TANC1: variants seen among roughly 807,000 people sequenced by gnomAD.
The protein encoded by TANC1 is tetratricopeptide repeat, ankyrin repeat and coiled-coil containing 1, also known as protein TANC1.
In TANC1, 77 loss-of-function variants were observed where a neutral mutation model predicts 149.7. The ratio of observed to expected loss-of-function variants is 0.51; its 90% CI spans 0.43 to 0.62. TANC1 has a LOEUF of 0.62. Ranked by LOEUF, TANC1 falls within the 20% of genes least tolerant of loss-of-function variation. The pLI, the probability that TANC1 is intolerant of heterozygous loss-of-function variation, is 0.00. For synonymous variants in TANC1, 854 were observed against 925.0 expected (o/e 0.92, Z 1.39); for missense variants, 1,985 against 2,321.8 (o/e 0.85, Z 2.98).
chr2:159,192,468 C>T (rs1193538836), intron 16 of TANC1, among the ~76,000 whole-genome samples: 1 of 151,928 alleles, frequency 6.6e-6, no homozygotes, highest in Non-Finnish European at 1.5e-5. Context: ...ACTTCATTAC[C>T]AGGAAAATGA....
chr2:159,194,011 T>G (rs2057666358), intron 16 of TANC1, among the ~76,000 whole-genome samples: 1 of 152,002 alleles, frequency 6.6e-6, no homozygotes. Flanking sequence ...GTCACGTGCC[T>G]GGGGCAGTAG....
intron 3 of TANC1, among the ~76,000 whole-genome samples, chr2:159,077,270 G>A (rs901088236): frequency 1.3e-5 from 2 of 152,110 alleles, no homozygotes; most frequent in Non-Finnish European, 2.9e-5. Context: ...TTAAAGCAAA[G>A]TTTTGCTTGG....
At chr2:159,158,477 A>G (rs2053666263) in intron 7 of TANC1, among the ~76,000 whole-genome samples, 1 of 152,210 alleles carries the variant, frequency 6.6e-6, no homozygotes, top group Admixed American at 6.5e-5. Context: ...GTGCAAAAAG[A>G]ACTTAGAATG....
intron 3 of TANC1, among the ~76,000 whole-genome samples, chr2:159,077,652 C>T (rs1033919073): frequency 6.6e-6 from 1 of 152,096 alleles, no homozygotes; most frequent in African/African-American, 2.4e-5. Context: ...TGGCACATAT[C>T]GATATATAGC....
intron 24 of TANC1, 127 bp downstream of exon 24, chr2:159,225,906 G>A (rs1376303193): frequency 1.2e-6 from 1 of 800,332 alleles, no homozygotes; most frequent in Non-Finnish European, 2.1e-6. Context: ...AAGTGGCTGG[G>A]TGGGGTGGCT....
chr2:159,095,088 G>T (rs531310738), intron 3 of TANC1, among the ~76,000 whole-genome samples: 1 of 151,890 alleles, frequency 6.6e-6, no homozygotes, highest in Non-Finnish European at 1.5e-5. Flanking sequence ...TGGGATTACC[G>T]GTGCCCACCA....
chr2:159,002,291 G>A (rs1192307186), intron 2 of TANC1, among the ~76,000 whole-genome samples: 1 of 152,136 alleles, frequency 6.6e-6, no homozygotes, highest in Non-Finnish European at 1.5e-5. Context: ...GGGGACCCAG[G>A]CTGCCCATTG....
At chr2:158,982,362 A>G (rs1053390483) in intron 1 of TANC1, among the ~76,000 whole-genome samples, 2 of 152,238 alleles carry the variant, frequency 1.3e-5, no homozygotes, top group East Asian at 1.9e-4. Flanking sequence ...AGGATATGGT[A>G]AAAAGGATGA....
intron 19 of TANC1, among the ~76,000 whole-genome samples, chr2:159,215,215 C>T (rs758473893): frequency 3.3e-5 from 5 of 152,164 alleles, no homozygotes; most frequent in African/African-American, 4.8e-5. Context: ...CCTCACTTTC[C>T]GGTGACGAGG....
At chr2:159,076,134 G>GT (rs1293634643) in intron 3 of TANC1, among the ~76,000 whole-genome samples, 4 of 152,106 alleles carry the variant, frequency 2.6e-5, no homozygotes, top group Non-Finnish European at 4.4e-5. Flanking sequence ...CCTTGTACTT[G>GT]TTTTTTTCTG....
chr2:158,969,442 G>A (rs575325414), intron 1 of TANC1, among the ~76,000 whole-genome samples: 3 of 152,338 alleles, frequency 2.0e-5, no homozygotes, highest in East Asian at 3.9e-4. Context: ...TAGACGTTGG[G>A]GGTTTTTCTT....
chr2:159,019,691 C>A (rs2038645022), intron 2 of TANC1, among the ~76,000 whole-genome samples: 1 of 77,144 alleles, frequency 1.3e-5, no homozygotes. Context: ...TTTTTTGAGG[C>A]AGAGTCTTGC....
intron 2 of TANC1, among the ~76,000 whole-genome samples, chr2:159,005,055 C>T (rs1322831010): frequency 6.6e-6 from 1 of 152,192 alleles, no homozygotes; most frequent in Non-Finnish European, 1.5e-5. Context: ...CCTTAAGGCG[C>T]AGATCACTCA....
At position 159,185,463 on chromosome 2, in the gene TANC1, G is replaced by A. The variant is rs570308815; in HGVS notation, c.2511-328G>A. Reference sequence around the variant, plus strand: ...CATGAGCTGTCACCTAGCACGGCCTGGCTTTTCTCTCCTTCCCACGTGAGA... The same window carrying A: ...CATGAGCTGTCACCTAGCACGGCCTAGCTTTTCTCTCCTTCCCACGTGAGA... On this transcript the variant is annotated intron_variant, in intron 14 of 26. Coordinates refer to ENST00000263635, the MANE Select transcript of TANC1 (RefSeq NM_033394.3). Among the ~76,000 whole-genome samples the A allele has an allele frequency of 2.0e-4, 30 of 152,296 alleles. No homozygotes were observed. The East Asian group carries it at 5.2e-3, about 26-fold the overall frequency.
intron 1 of TANC1, among the ~76,000 whole-genome samples, chr2:158,986,577 G>A (rs1474337818): frequency 6.6e-6 from 1 of 152,144 alleles, no homozygotes; most frequent in Admixed American, 6.5e-5. Context: ...GCCTGTGGTG[G>A]GTTTTGGGGA....
At chr2:159,070,149 A>G (rs916380411) in intron 3 of TANC1, among the ~76,000 whole-genome samples, 5 of 152,200 alleles carry the variant, frequency 3.3e-5, no homozygotes, top group Non-Finnish European at 5.9e-5. Context: ...AATAAGTAGA[A>G]GGAAATACTG....
Position 159,198,963 on chromosome 2 carries a change from C to T in TANC1, c.3166-12C>T, listed in dbSNP as rs894553820. 1.2e-6 allele frequency: 2 copies of T among 1,609,928 alleles called. No homozygotes were observed. Among genetic ancestry groups the T allele is most frequent in the Admixed American group, 1.7e-5 (1 of 59,964 alleles). ...AAGAGAACTCATTAAATCACCTTGC[C>T]ACTTCTGACAGGTGGTCCAGTGCTT... On this transcript the variant is annotated splice_polypyrimidine_tract_variant and intron_variant, in intron 18 of 26. Coordinates refer to ENST00000263635, the MANE Select transcript of TANC1 (RefSeq NM_033394.3).
intron 1 of TANC1, among the ~76,000 whole-genome samples, chr2:158,983,237 T>C (rs531108498): frequency 0.011 from 1,690 of 151,910 alleles, 17 homozygotes; most frequent in Non-Finnish European, 0.016. Flanking sequence ...GAGGCCGAGG[T>C]GGGTTGGATC....
At chr2:159,087,197 A>C (rs930422148) in intron 3 of TANC1, among the ~76,000 whole-genome samples, 1 of 152,196 alleles carries the variant, frequency 6.6e-6, no homozygotes. Flanking sequence ...AGTTGAGTGA[A>C]GTGCTGGAAG....
Sources: gnomAD v4.1 joint callset for allele counts (sites outside exome capture counted in the v4.1 genomes callset) on GRCh38, gnomAD v4.1.1 for gene constraint, MANE v1.5 for transcripts, NCBI Gene and HGNC (gene_info 2026-07-23, HGNC 2026-07-21) for gene names.